The following PLCXD3 variants were observed in gnomAD, a reference collection of about 807,000 sequenced individuals.
PLCXD3 encodes the protein PI-PLC X domain-containing protein 3.
PLCXD3 carries 19 observed loss-of-function variants against 25.5 expected under a neutral mutation model. The observed-to-expected ratio is 0.75, with a 90% CI of 0.52 to 1.09. The LOEUF (loss-of-function observed/expected upper bound fraction) is 1.09. Ranked by LOEUF, PLCXD3 falls within the 50% of genes least tolerant of loss-of-function variation. PLCXD3 has a pLI of 0.00. For missense variants in PLCXD3, 411 were observed against 388.1 expected (o/e 1.06, Z -0.50); for synonymous variants, 174 against 137.6 (o/e 1.26, Z -1.85).
At chr5:41,378,745 G>C (rs1376875026) in intron 2 of PLCXD3, among the ~76,000 whole-genome samples, 1 of 152,056 alleles carries the variant, frequency 6.6e-6, no homozygotes, top group Non-Finnish European at 1.5e-5. Flanking sequence ...GAATCCTTTG[G>C]GAGAGTTGTG....
At chr5:41,315,575 A>G (rs1384181454) in intron 2 of PLCXD3, among the ~76,000 whole-genome samples, 1 of 152,190 alleles carries the variant, frequency 6.6e-6, no homozygotes, top group Non-Finnish European at 1.5e-5. Context: ...AGCAAAAAAC[A>G]CCTTTATAAG....
rs58098437 is a variant in PLCXD3 at position 41,465,353 on chromosome 5, C to CTTTTTTTTT, written c.103+45062_103+45070dup. 9.4e-3 allele frequency among the ~76,000 whole-genome samples: 124 copies of CTTTTTTTTT among 13,222 alleles called. 6 individuals carry two copies. Among genetic ancestry groups the CTTTTTTTTT allele is most frequent in the East Asian group, 0.013 (5 of 372 alleles). 8.7% of individuals were successfully genotyped at this position (13,222 alleles called of 152,430 possible). ...TCCTACTTTCCCCACTAGTTCTTGT[C>CTTTTTTTTT]TTTTTTTTTTTTTTTTTTTTTTTTT... is the stretch of plus-strand genomic sequence containing the variant. On this transcript the variant is annotated intron_variant, in intron 1 of 2. Transcript: ENST00000377801.
chr5:41,453,305 C>T (rs1475681164), intron 1 of PLCXD3, among the ~76,000 whole-genome samples: 1 of 151,698 alleles, frequency 6.6e-6, no homozygotes, highest in Non-Finnish European at 1.5e-5. Flanking sequence ...TCCAATGTCA[C>T]AAACTATTGG....
At chr5:41,377,311 GTTA>G (rs765961511) in intron 2 of PLCXD3, among the ~76,000 whole-genome samples, 28 of 151,282 alleles carry the variant, frequency 1.9e-4, no homozygotes, top group African/African-American at 6.1e-4. Context: ...AATAATAACA[GTTA>G]TTATTATTAT....
chr5:41,342,313 G>A (rs770344739), intron 2 of PLCXD3, among the ~76,000 whole-genome samples: 4 of 152,112 alleles, frequency 2.6e-5, no homozygotes, highest in Non-Finnish European at 4.4e-5. Flanking sequence ...GTGTTGAAGA[G>A]CGAGCCTAGA....
At chr5:41,406,920 AT>A (rs1245568008) in intron 1 of PLCXD3, among the ~76,000 whole-genome samples, 6 of 152,082 alleles carry the variant, frequency 3.9e-5, no homozygotes, top group Admixed American at 3.9e-4. Context: ...TGACTTGGTA[AT>A]GTATTTAGCA....
At chr5:41,364,773 TC>T (rs1361907443) in intron 2 of PLCXD3, among the ~76,000 whole-genome samples, 1 of 152,188 alleles carries the variant, frequency 6.6e-6, no homozygotes, top group Non-Finnish European at 1.5e-5. Flanking sequence ...CTTTCAGAAG[TC>T]CCAGCAGTGG....
intron 2 of PLCXD3, among the ~76,000 whole-genome samples, chr5:41,374,090 C>T (rs1462982128): frequency 6.6e-6 from 1 of 151,958 alleles, no homozygotes; most frequent in Non-Finnish European, 1.5e-5. Flanking sequence ...GAGGAGGGCA[C>T]CAATAAATAT....
rs2150466980 is a variant in PLCXD3 at position 41,313,915 on chromosome 5, C to T, written c.813-145G>A. 6 of 918,714 alleles carry T rather than the reference C, an allele frequency of 6.5e-6. No homozygotes were observed. The South Asian group carries it at 9.8e-5, about 15-fold the overall frequency. The allele number at this position is 918,714 out of a possible 1,614,324, so 56.9% of individuals were successfully genotyped here. A position where few individuals can be genotyped will look rare whatever the true frequency, so the allele number is the denominator to read the frequency against. ...CAGGAAGGGGAAAAGGCCAAATGGA[C>T]TCTGGGGATTTTTTAACCTTTGAAG... On this transcript the variant is annotated intron_variant, in intron 2 of 2. Transcript: ENST00000377801.
chr5:41,508,316 C>T (rs1483778431), intron 1 of PLCXD3, among the ~76,000 whole-genome samples: 2 of 152,200 alleles, frequency 1.3e-5, no homozygotes, highest in African/African-American at 4.8e-5. Flanking sequence ...TGCTTAGTTC[C>T]TTTTTTCTTA....
intron 2 of PLCXD3, among the ~76,000 whole-genome samples, chr5:41,345,285 A>G (rs1744267064): frequency 6.6e-6 from 1 of 152,218 alleles, no homozygotes; most frequent in Non-Finnish European, 1.5e-5. Context: ...GATCTAGTCT[A>G]ACCCTCTTAT....
At chr5:41,357,431 T>C (rs1744650732) in intron 2 of PLCXD3, among the ~76,000 whole-genome samples, 1 of 152,250 alleles carries the variant, frequency 6.6e-6, no homozygotes, top group Non-Finnish European at 1.5e-5. Context: ...ACTCAGTTTC[T>C]GTTTGGAATA....
At chr5:41,386,817 T>G (rs986773759) in intron 1 of PLCXD3, among the ~76,000 whole-genome samples, 5 of 151,880 alleles carry the variant, frequency 3.3e-5, no homozygotes, top group Admixed American at 1.3e-4. Flanking sequence ...TATTCAAACT[T>G]AAGCAGACCC....
chr5:41,334,213 T>A (rs1020184487), intron 2 of PLCXD3, among the ~76,000 whole-genome samples: 4 of 152,144 alleles, frequency 2.6e-5, no homozygotes, highest in Non-Finnish European at 5.9e-5. Flanking sequence ...GCAAACCTTC[T>A]GAGTCTCAAT....
chr5:41,382,154 G>A lies in PLCXD3; in HGVS notation c.484C>T (p.Leu162=). 1 of 1,613,730 alleles carries A rather than the reference G, an allele frequency of 6.2e-7. No individual in the cohort carries two copies. The highest frequency in any genetic ancestry group is 8.5e-7 in the Non-Finnish European group (1 of 1,179,768). ...KYHHEKLVQM[L]KDIYGNKMCP... is the part of the protein sequence containing the mutation. ...ATTTTATTTCCATAGATGTCTTTCA[G>A]CATTTGGACCAGTTTTTCATGGTGA... is the stretch of plus-strand genomic sequence containing the variant. The change falls in exon 2 of 3, where the codon CTG becomes TTG. Residue 162 remains leucine, a synonymous_variant. Transcript: ENST00000377801.
At chr5:41,350,054 T>C (rs1321201137) in intron 2 of PLCXD3, among the ~76,000 whole-genome samples, 1 of 152,122 alleles carries the variant, frequency 6.6e-6, no homozygotes, top group Non-Finnish European at 1.5e-5. Context: ...GTGAAGTTGA[T>C]AAAGACCTCT....
intron 2 of PLCXD3, among the ~76,000 whole-genome samples, chr5:41,367,155 A>G (rs1227313582): frequency 6.6e-6 from 1 of 152,218 alleles, no homozygotes; most frequent in African/African-American, 2.4e-5. Flanking sequence ...GTATGTACCC[A>G]GTAATGAGAT....
At chr5:41,401,395 AAG>A (rs1417095049) in intron 1 of PLCXD3, among the ~76,000 whole-genome samples, 2 of 152,080 alleles carry the variant, frequency 1.3e-5, no homozygotes, top group African/African-American at 4.8e-5. Flanking sequence ...GACACGATAT[AAG>A]AGTCAAAAGT....
chr5:41,395,779 C>T (rs984322360), intron 1 of PLCXD3, among the ~76,000 whole-genome samples: 1 of 151,966 alleles, frequency 6.6e-6, no homozygotes, highest in Non-Finnish European at 1.5e-5. Context: ...CCTGAACAGA[C>T]CAGTAACAAG....
Sources: gnomAD v4.1 joint callset for allele counts (sites outside exome capture counted in the v4.1 genomes callset) on GRCh38, gnomAD v4.1.1 for gene constraint, MANE v1.5 for transcripts, NCBI Gene and HGNC (gene_info 2026-07-23, HGNC 2026-07-21) for gene names.